Variants in APBA2 observed in about 807,000 individuals in gnomAD.
APBA2 encodes amyloid-beta A4 precursor protein-binding family A member 2.
A neutral mutation model predicts 75.0 loss-of-function variants in APBA2; 30 were observed. The ratio of observed to expected loss-of-function variants is 0.40; its 90% confidence interval spans 0.30 to 0.54. The LOEUF is 0.54. Among genes scored for constraint, APBA2 ranks in the 20% least tolerant of loss-of-function variants. The probability of loss-of-function intolerance (pLI) is 0.49; values close to 1 mark genes in which losing one functional copy is unlikely to be tolerated. For missense variants in APBA2, 801 were observed against 1,016.1 expected (o/e 0.79, Z 2.88); for synonymous variants, 444 against 409.6 (o/e 1.08, Z -1.01).
chr15:29,037,975 T>A (rs74721619), intron 3 of APBA2, among the ~76,000 whole-genome samples: 2,030 of 152,258 alleles, frequency 0.013, 15 homozygotes, highest in Non-Finnish European at 0.02. Context: ...ATAATGGCAA[T>A]CAAATTTCCA....
rs926351055 is a variant in APBA2 at position 29,054,111 on chromosome 15, A to G, written c.227A>G (p.Tyr76Cys). Residue 76 changes from tyrosine to cysteine, a missense_variant, in exon 4 of 15, where the codon TAC becomes TGC. By Grantham distance (194) the Tyr-to-Cys change is radical. Transcript: ENST00000683413. The surrounding 1 kb of genome is among the most constrained non-coding windows in gnomAD (Gnocchi z 6.1). ...HSPDGDSSSD[Y>C]VNNTSEEEDY... ...CCCGATGGGGACTCCAGCTCTGACT[A>G]CGTGAACAACACCTCTGAGGAGGAG... The G allele has an allele frequency of 1.2e-6, 2 of 1,614,048 alleles. No homozygotes were observed. The highest frequency in any genetic ancestry group is 1.7e-6 in the Non-Finnish European group (2 of 1,180,038).
At chr15:28,906,335 T>C (rs1308939978) in intron 1 of APBA2, among the ~76,000 whole-genome samples, 2 of 152,228 alleles carry the variant, frequency 1.3e-5, no homozygotes, top group African/African-American at 4.8e-5. Context: ...GGGACTTGGA[T>C]AAAGCTGGAA....
chr15:28,920,095 G>C (rs1234606461), intron 1 of APBA2, among the ~76,000 whole-genome samples: 2 of 152,150 alleles, frequency 1.3e-5, no homozygotes, highest in South Asian at 2.1e-4. Context: ...GTGCCCTCTC[G>C]GGGCCAGGTA....
At chr15:28,898,496 A>G (rs1485447608) in intron 1 of APBA2, among the ~76,000 whole-genome samples, 2 of 152,158 alleles carry the variant, frequency 1.3e-5, no homozygotes, top group African/African-American at 2.4e-5. Flanking sequence ...TGTGTAATGC[A>G]TGATTCTGTG....
At chr15:28,913,930 C>T (rs2033550499) in intron 1 of APBA2, among the ~76,000 whole-genome samples, 1 of 152,138 alleles carries the variant, frequency 6.6e-6, no homozygotes, top group African/African-American at 2.4e-5. Flanking sequence ...CAGTGACAGG[C>T]TGCGGGCCAG....
At chr15:28,960,170 A>G (rs61351998) in intron 2 of APBA2, among the ~76,000 whole-genome samples, 39,366 of 144,268 alleles carry the variant, frequency 0.27, 10,204 homozygotes, top group African/African-American at 0.66. Context: ...AAAAAAAAAG[A>G]CACTTTGAGA....
chr15:28,961,129 T>C (rs564166212), intron 2 of APBA2, among the ~76,000 whole-genome samples: 32 of 152,310 alleles, frequency 2.1e-4, no homozygotes, highest in Admixed American at 5.9e-4. Context: ...ATTCATTTGC[T>C]TACTGTTAAG....
At chr15:28,903,907 A>G (rs2033002655) in intron 1 of APBA2, among the ~76,000 whole-genome samples, 1 of 152,168 alleles carries the variant, frequency 6.6e-6, no homozygotes, top group Admixed American at 6.5e-5. Flanking sequence ...AGGGACAAGG[A>G]CAAGTCAGAG....
chr15:29,091,504 TC>T (rs1249894282), intron 6 of APBA2, among the ~76,000 whole-genome samples: 4 of 152,122 alleles, frequency 2.6e-5, no homozygotes, highest in Non-Finnish European at 5.9e-5. Context: ...AGTCTGAGTT[TC>T]CCAGAGAGAT....
chr15:28,925,135 C>G (rs1467204815), intron 2 of APBA2, among the ~76,000 whole-genome samples: 1 of 152,080 alleles, frequency 6.6e-6, no homozygotes, highest in Non-Finnish European at 1.5e-5. Flanking sequence ...TTGATCTGAT[C>G]ATATGATTTT....
At chr15:28,932,370 G>A (rs937257831) in intron 2 of APBA2, among the ~76,000 whole-genome samples, 4 of 152,084 alleles carry the variant, frequency 2.6e-5, no homozygotes, top group African/African-American at 9.7e-5. Flanking sequence ...AAACCCAGAA[G>A]GCAGCCCTCC....
intron 3 of APBA2, among the ~76,000 whole-genome samples, chr15:29,003,205 G>A (rs2038939941): frequency 6.6e-6 from 1 of 152,078 alleles, no homozygotes; most frequent in Admixed American, 6.5e-5. Flanking sequence ...TGGGGTGGAG[G>A]CCCGTGCACC....
chr15:29,007,894 G>C (rs773057331), intron 3 of APBA2, among the ~76,000 whole-genome samples: 8 of 152,346 alleles, frequency 5.3e-5, no homozygotes, highest in Middle Eastern at 3.4e-3. Flanking sequence ...CCCAAGGGAA[G>C]TAAAAGCAGG....
intron 1 of APBA2, among the ~76,000 whole-genome samples, chr15:28,915,830 C>A (rs1157347029): frequency 6.6e-6 from 1 of 150,584 alleles, no homozygotes; most frequent in African/African-American, 2.4e-5. Flanking sequence ...ACATACCACA[C>A]ACCATACATA....
chr15:28,919,978 C>A (rs2033888047), intron 1 of APBA2, among the ~76,000 whole-genome samples: 1 of 152,218 alleles, frequency 6.6e-6, no homozygotes, highest in South Asian at 2.1e-4. Flanking sequence ...CCTCACCCAG[C>A]AGAGGCCCCT....
At chr15:28,959,999 G>A (rs977585079) in intron 2 of APBA2, among the ~76,000 whole-genome samples, 1 of 152,214 alleles carries the variant, frequency 6.6e-6, no homozygotes, top group African/African-American at 2.4e-5. Flanking sequence ...CAAACAATTA[G>A]CTGGGCCTGG....
At position 29,099,941 on chromosome 15, in the gene APBA2, A is replaced by G. The variant is rs149589601; in HGVS notation, c.1338+1365A>G. Among the ~76,000 whole-genome samples the G allele has an allele frequency of 3.6e-4, 55 of 152,348 alleles. No homozygotes were observed. The East Asian group carries it at 8.3e-3, about 23-fold the overall frequency. On this transcript the variant is annotated intron_variant, in intron 9 of 14. Transcript: ENST00000683413. Reference sequence around the variant, plus strand: ...GAAATCTCCTAGGCTGGCCCAGTTCAGGGTTCACTCCACTGGCCCCTTCTC... The same window carrying G: ...GAAATCTCCTAGGCTGGCCCAGTTCGGGGTTCACTCCACTGGCCCCTTCTC...
intron 5 of APBA2, among the ~76,000 whole-genome samples, chr15:29,075,649 A>G (rs1443971911): frequency 2.0e-5 from 3 of 152,222 alleles, no homozygotes; most frequent in African/African-American, 7.2e-5. Flanking sequence ...CTTTCTGGTA[A>G]CATAGTTTAG....
At chr15:28,960,569 T>C (rs1272263579) in intron 2 of APBA2, among the ~76,000 whole-genome samples, 2 of 152,056 alleles carry the variant, frequency 1.3e-5, no homozygotes, top group Non-Finnish European at 2.9e-5. Flanking sequence ...GCTGGTGGTC[T>C]GCGGGGGGCA....
Sources: gnomAD v4.1 joint callset for allele counts (sites outside exome capture counted in the v4.1 genomes callset) on GRCh38, gnomAD v4.1.1 for gene constraint, Gnocchi (gnomAD v3.1) non-coding constraint, MANE v1.5 for transcripts, NCBI Gene and HGNC (gene_info 2026-07-23, HGNC 2026-07-21) for gene names.